The following GCKR variants were observed in gnomAD, a reference collection of about 807,000 sequenced individuals.
GCKR encodes the protein glucokinase regulator.
Under a neutral mutation model 82.9 loss-of-function variants are expected in GCKR, and 73 were observed. That is an observed-to-expected ratio of 0.88 (90% CI 0.73 to 1.07). The LOEUF (loss-of-function observed/expected upper bound fraction) is 1.07, where lower values mean the gene tolerates loss of function less well. Among genes scored for constraint, GCKR ranks in the 50% least tolerant of loss-of-function variants. GCKR has a pLI of 0.00. For synonymous variants in GCKR, 294 were observed against 291.8 expected, an observed-to-expected ratio of 1.01 and a Z score of -0.08; for missense variants, 784 against 782.1, an observed-to-expected ratio of 1.00 and a Z score of -0.03.
In GCKR at chr2:27,523,617, C is replaced by A; in HGVS notation, c.*178C>A. The A allele has an allele frequency of 1.6e-6, 1 of 634,726 alleles. No homozygotes were observed. The highest frequency in any genetic ancestry group is 2.8e-6 in the Non-Finnish European group (1 of 357,750). The allele number at this position is 634,726 out of a possible 1,614,324, so 39.3% of individuals were successfully genotyped here. A position where few individuals can be genotyped will look rare whatever the true frequency, so the allele number is the denominator to read the frequency against. ...TTGGGGGAGAGTTCTTGCTCTCGAC[C>A]TAGTGGTTTCTACTCTCACCGACTT... On this transcript the variant is annotated 3_prime_UTR_variant, in exon 19 of 19. Transcript: ENST00000264717.
At chr2:27,497,814 A>G (rs953266536) in intron 3 of GCKR, among the ~76,000 whole-genome samples, 184 bp downstream of exon 3, 3 of 152,170 alleles carry the variant, frequency 2.0e-5, no homozygotes, top group Admixed American at 1.3e-4. Context: ...TTAATACTTT[A>G]TAATTGACAA....
intron 16 of GCKR, among the ~76,000 whole-genome samples, chr2:27,511,711 TAAAA>T (rs991041614): frequency 6.6e-6 from 1 of 151,812 alleles, no homozygotes; most frequent in Non-Finnish European, 1.5e-5. Context: ...AAATTAAAAA[TAAAA>T]AAAAGAAATA....
In GCKR at chr2:27,505,834, A is replaced by G. The variant is rs1156312716; in HGVS notation, c.867A>G (p.Gln289=). 1.4e-6 allele frequency: 2 copies of G among 1,474,346 alleles called. No homozygotes were observed. The highest frequency in any genetic ancestry group is 9.5e-7 in the Non-Finnish European group (1 of 1,052,440). The allele number at this position is 1,474,346 out of a possible 1,614,324, so 91.3% of individuals were successfully genotyped here. The change falls in exon 10 of 19, where the codon CAA becomes CAG. Residue 289 remains glutamine (Q), a splice_region_variant and synonymous_variant. Coordinates refer to ENST00000264717, the MANE Select transcript of GCKR (RefSeq NM_001486.4). ...KTVDQGIAAS[Q]RCLLEILRTF... ...TGGACCAGGGCATTGCAGCATCTCAAAGGTAGGGAGGATCTGGATAAGAGA... is the reference window on the plus strand; with the variant it reads ...TGGACCAGGGCATTGCAGCATCTCAGAGGTAGGGAGGATCTGGATAAGAGA...
At chr2:27,513,389 G>A (rs1366992063) in intron 16 of GCKR, among the ~76,000 whole-genome samples, 1 of 152,168 alleles carries the variant, frequency 6.6e-6, no homozygotes, top group Middle Eastern at 3.4e-3. Context: ...AATTAGCCGG[G>A]TGTGGTGGTG....
chr2:27,498,863 A>C (rs566932813), intron 5 of GCKR, 66 bp downstream of exon 5: 7 of 946,666 alleles, frequency 7.4e-6, no homozygotes, highest in Non-Finnish European at 1.2e-5. Context: ...ATTGAGTTGG[A>C]ATACCTTTAG....
intron 16 of GCKR, among the ~76,000 whole-genome samples, chr2:27,511,807 C>T (rs1669890423): frequency 6.6e-6 from 1 of 152,078 alleles, no homozygotes; most frequent in Non-Finnish European, 1.5e-5. Context: ...AGTGGATACA[C>T]TTTTATTTTG....
chr2:27,523,030 T>G (rs1014438470), intron 18 of GCKR, among the ~76,000 whole-genome samples: 1 of 151,912 alleles, frequency 6.6e-6, no homozygotes, highest in Non-Finnish European at 1.5e-5. Flanking sequence ...CCCAAATAGC[T>G]GGGATTACAG....
intron 10 of GCKR, 44 bp from the exon 11 acceptor site, chr2:27,506,437 G>T (rs755172207): frequency 2.3e-6 from 3 of 1,287,888 alleles, no homozygotes; most frequent in Non-Finnish European, 2.3e-6. Context: ...AGCTTTCTGA[G>T]GGGGAATTGG....
In GCKR at chr2:27,506,878, T is replaced by C; in HGVS notation, c.1059T>C (p.Phe353=). The C allele has an allele frequency of 6.3e-7, 1 of 1,595,816 alleles. No individual in the cohort carries two copies. Among genetic ancestry groups the C allele is most frequent in the Non-Finnish European group, 8.6e-7 (1 of 1,163,278 alleles). ...IMDGVECIHT[F]GADFRDVRGF... ...ATGGAGTAGAGTGCATCCACACCTT[T>C]GGTGCTGGTGGGACCCCAGTCCAGA... Residue 353 remains phenylalanine, a synonymous_variant, in exon 12 of 19, where the codon TTT becomes TTC. Transcript: ENST00000264717.
intron 10 of GCKR, among the ~76,000 whole-genome samples, chr2:27,506,259 C>T (rs950339986): frequency 6.6e-6 from 1 of 152,174 alleles, no homozygotes; most frequent in Non-Finnish European, 1.5e-5. Flanking sequence ...TGGTGCTTTC[C>T]TGCTGCACTC....
chr2:27,523,133 A>G, intron 18 of GCKR, 136 bp from the exon 19 acceptor site: 2 of 726,972 alleles, frequency 2.8e-6, no homozygotes, highest in Non-Finnish European at 4.9e-6. Context: ...TCCTGAACTT[A>G]AGTGATCTGC....
intron 9 of GCKR, 146 bp from the exon 10 acceptor site, chr2:27,505,572 C>G (rs1196984684): frequency 5.8e-6 from 4 of 690,546 alleles, no homozygotes; most frequent in African/African-American, 3.5e-5. Flanking sequence ...TAATCTTCCT[C>G]TCGGTCAAGC....
At position 27,518,943 on chromosome 2, in the gene GCKR, GATATGAT is replaced by G; in HGVS notation, c.1572+7_1572+13del. On this transcript the variant is annotated splice_region_variant and intron_variant, in intron 17 of 18. Coordinates refer to ENST00000264717, the MANE Select transcript of GCKR (RefSeq NM_001486.4). ...GGGCGCTGGCCATGCTGCAGGTAGG[GATATGAT>G]GGGGCAGGGTTGGGTGGGACCTGGC... The G allele has an allele frequency of 1.3e-6, 1 of 746,836 alleles. No individual in the cohort carries two copies. The highest frequency in any genetic ancestry group is 1.3e-5 in the South Asian group (1 of 74,606). 46.3% of individuals were successfully genotyped at this position (746,836 alleles called of 1,614,324 possible). A position where few individuals can be genotyped will look rare whatever the true frequency, so the allele number is the denominator to read the frequency against.
chr2:27,501,155 G>A lies in GCKR; in HGVS notation c.570G>A (p.Gln190=), dbSNP rs1245210848. 1 of 1,613,540 alleles carries A rather than the reference G, an allele frequency of 6.2e-7. No individual in the cohort carries two copies. Among genetic ancestry groups the A allele is most frequent in the Non-Finnish European group, 8.5e-7 (1 of 1,179,394 alleles). The change falls in exon 8 of 19, where the codon CAG becomes CAA. Residue 190 remains glutamine, a synonymous_variant. Coordinates refer to ENST00000264717, the MANE Select transcript of GCKR (RefSeq NM_001486.4). ...VGLSAPFVAG[Q]MDCCMNNTAV... is the part of the protein sequence containing the mutation. Reference sequence around the variant, plus strand: ...ATCAGGCTCCCTTTGTGGCAGGCCAGATGGACTGCTGCATGAACAACACAG... The same window carrying A: ...ATCAGGCTCCCTTTGTGGCAGGCCAAATGGACTGCTGCATGAACAACACAG...
At chr2:27,510,154 G>A (rs974162085) in intron 16 of GCKR, among the ~76,000 whole-genome samples, 3 of 151,892 alleles carry the variant, frequency 2.0e-5, no homozygotes, top group South Asian at 4.2e-4. Context: ...GACTACAGGT[G>A]CCCGCCACCA....
intron 4 of GCKR, among the ~76,000 whole-genome samples, 180 bp from the exon 5 acceptor site, chr2:27,498,544 C>T (rs1321767093): frequency 6.6e-6 from 1 of 152,178 alleles, no homozygotes; most frequent in Non-Finnish European, 1.5e-5. Context: ...CTCTACATCC[C>T]ATGCACCACC....
chr2:27,497,467 C>T (rs1669442525), intron 2 of GCKR, 68 bp downstream of exon 2: 2 of 1,586,016 alleles, frequency 1.3e-6, no homozygotes. Context: ...TCTGCTCTCC[C>T]TCACCATGGC....
At chr2:27,512,507 C>G (rs895186674) in intron 16 of GCKR, among the ~76,000 whole-genome samples, 16 of 150,390 alleles carry the variant, frequency 1.1e-4, no homozygotes, top group African/African-American at 3.7e-4. Flanking sequence ...TGCACTCCAG[C>G]CTGGGTGACA....
intron 5 of GCKR, 24 bp from the exon 6 acceptor site, chr2:27,499,118 C>G: frequency 6.7e-7 from 1 of 1,498,998 alleles, no homozygotes; most frequent in Non-Finnish European, 9.3e-7. Context: ...GCCACTGCCA[C>G]TGACCTTGAG....
Sources: gnomAD v4.1 joint callset for allele counts (sites outside exome capture counted in the v4.1 genomes callset) on GRCh38, gnomAD v4.1.1 for gene constraint, MANE v1.5 for transcripts, NCBI Gene and HGNC (gene_info 2026-07-23, HGNC 2026-07-21) for gene names.